The following ACOX3 variants were observed in gnomAD, a reference collection of about 807,000 sequenced individuals.
ACOX3 encodes peroxisomal acyl-coenzyme A oxidase 3.
In ACOX3, 73 loss-of-function variants were observed where a neutral mutation model predicts 81.5. The observed-to-expected ratio is 0.90, with a 90% CI of 0.74 to 1.09. The LOEUF (loss-of-function observed/expected upper bound fraction) is 1.09, where lower values mean the gene tolerates loss of function less well. ACOX3 is among the 50% of genes least tolerant of loss of function. The pLI, the probability that ACOX3 is intolerant of heterozygous loss-of-function variation, is 0.00. For missense variants in ACOX3, 947 were observed against 928.0 expected (o/e 1.02, Z -0.27); for synonymous variants, 387 against 375.1 (o/e 1.03, Z -0.37).
intron 1 of ACOX3, among the ~76,000 whole-genome samples, chr4:8,424,831 T>G (rs1259074360): frequency 1.3e-5 from 2 of 152,190 alleles, no homozygotes; most frequent in Non-Finnish European, 2.9e-5. Flanking sequence ...CGACCTCAAC[T>G]TGTATACTGA....
chr4:8,420,465 C>T (rs1180543942), intron 1 of ACOX3, among the ~76,000 whole-genome samples: 1 of 152,150 alleles, frequency 6.6e-6, no homozygotes, highest in Non-Finnish European at 1.5e-5. Context: ...GCTTGTAACT[C>T]AGCTCACACC....
intron 7 of ACOX3, among the ~76,000 whole-genome samples, chr4:8,404,185 C>T (rs1006859971): frequency 6.6e-6 from 1 of 152,322 alleles, no homozygotes; most frequent in African/African-American, 2.4e-5. Context: ...GCCCTGAGGG[C>T]GAAGGGCCTG....
intron 5 of ACOX3, among the ~76,000 whole-genome samples, chr4:8,411,943 C>T (rs923268007): frequency 6.6e-6 from 1 of 152,242 alleles, no homozygotes; most frequent in African/African-American, 2.4e-5. Context: ...CACCCCAACT[C>T]TACGGATCTG....
intron 15 of ACOX3, 49 bp downstream of exon 15, chr4:8,374,929 G>A (rs1192899892): frequency 1.4e-6 from 2 of 1,454,756 alleles, no homozygotes; most frequent in Non-Finnish European, 1.8e-6. Flanking sequence ...ATACAACACG[G>A]GGGCCCTGAC....
At chr4:8,434,363 T>G (rs1579010148) in intron 1 of ACOX3, among the ~76,000 whole-genome samples, 2 of 152,372 alleles carry the variant, frequency 1.3e-5, no homozygotes, top group East Asian at 1.9e-4. Context: ...GAGTTTTGTC[T>G]GCAGCTCGTC....
rs911186150 is a variant in ACOX3, at chr4:8,440,668, C to G, written c.-35G>C. On this transcript the variant is annotated 5_prime_UTR_variant, in exon 1 of 18. Coordinates refer to ENST00000356406, the MANE Select transcript of ACOX3 (RefSeq NM_003501.3). Reference sequence around the variant, plus strand: ...CTCACCCACACACTCCACAGTTCAACCCCTGCCAGGGAAACCAAAAGCAGG... The same window carrying G: ...CTCACCCACACACTCCACAGTTCAAGCCCTGCCAGGGAAACCAAAAGCAGG... The G allele has an allele frequency of 6.3e-6, 6 of 957,400 alleles. No individual in the cohort carries two copies. The Admixed American group carries it at 1.4e-4, about 22-fold the overall frequency. The allele number at this position is 957,400 out of a possible 1,614,324, so 59.3% of individuals were successfully genotyped here. A position where few individuals can be genotyped will look rare whatever the true frequency, so the allele number is the denominator to read the frequency against.
At chr4:8,427,481 G>A (rs746611249) in intron 1 of ACOX3, among the ~76,000 whole-genome samples, 5 of 152,218 alleles carry the variant, frequency 3.3e-5, no homozygotes, top group East Asian at 1.9e-4. Flanking sequence ...TGTCCACTGC[G>A]CTTCTGATCC....
At chr4:8,397,865 TA>T (rs2108894248) in intron 8 of ACOX3, among the ~76,000 whole-genome samples, 1 of 152,352 alleles carries the variant, frequency 6.6e-6, no homozygotes, top group East Asian at 1.9e-4. Flanking sequence ...TCGTTGTGTT[TA>T]AAAATGTATT....
intron 1 of ACOX3, among the ~76,000 whole-genome samples, chr4:8,427,378 T>C (rs1365820144): frequency 2.6e-5 from 4 of 152,194 alleles, no homozygotes; most frequent in African/African-American, 7.2e-5. Context: ...TTTGTTCCGG[T>C]TTGAGCTGAG....
At chr4:8,372,564 G>T (rs1462520470) in intron 16 of ACOX3, among the ~76,000 whole-genome samples, 1 of 152,202 alleles carries the variant, frequency 6.6e-6, no homozygotes, top group East Asian at 1.9e-4. Flanking sequence ...CCCTCCCTGT[G>T]GCCAGTTCGA....
At position 8,405,907 on chromosome 4, in the gene ACOX3, C is replaced by T. The variant is rs528709726; in HGVS notation, c.776+48G>A. ...ATCTCAGACATGAGCGACAACGCAG[C>T]CTGGGCCTTGGCAGGAAGCTCAGGG... On this transcript the variant is annotated intron_variant, in intron 7 of 17. Coordinates refer to ENST00000356406, the MANE Select transcript of ACOX3 (RefSeq NM_003501.3). The surrounding 1 kb of genome is among the most constrained non-coding windows in gnomAD (Gnocchi z 7.1). 368 of 1,565,130 alleles carry T rather than the reference C, an allele frequency of 2.4e-4. 7 individuals carry two copies. In the South Asian group the frequency reaches 3.6e-3, roughly 15 times the overall value.
At chr4:8,428,093 C>A (rs549665873) in intron 1 of ACOX3, among the ~76,000 whole-genome samples, 2 of 152,364 alleles carry the variant, frequency 1.3e-5, no homozygotes, top group South Asian at 4.1e-4. Flanking sequence ...CGATGTGAAT[C>A]ACTTCCCTTT....
At chr4:8,408,916 G>A (rs1411159052) in intron 6 of ACOX3, among the ~76,000 whole-genome samples, 2 of 98,242 alleles carry the variant, frequency 2.0e-5, no homozygotes, top group Non-Finnish European at 4.3e-5. Flanking sequence ...GGGGGGGGGT[G>A]GGGGCGGTCT....
At chr4:8,359,323 G>C in the ACOX3 span, among the ~76,000 whole-genome samples, 2 of 152,096 alleles carry the variant, frequency 1.3e-5, no homozygotes, top group Non-Finnish European at 2.9e-5. This position sits in a 1 kb window ranked among gnomAD's most constrained non-coding sequence, Gnocchi z 6.0. Context: ...CAACGTAGGG[G>C]AGTTAGAGTC....
intron 14 of ACOX3, among the ~76,000 whole-genome samples, chr4:8,377,220 C>T (rs184355566): frequency 1.3e-5 from 2 of 152,318 alleles, no homozygotes; most frequent in South Asian, 2.1e-4. Context: ...ACAGAGAGGC[C>T]GTCCTTGAAC....
rs1718369202 is a variant in ACOX3, at chr4:8,386,858, G to T, written c.1537+2315C>A. On this transcript the variant is annotated intron_variant, in intron 13 of 17. Coordinates refer to ENST00000356406, the MANE Select transcript of ACOX3 (RefSeq NM_003501.3). The surrounding 1 kb of genome is among the most constrained non-coding windows in gnomAD (Gnocchi z 5.2). ...TGTTCTTTGCCGTGTGAACAAGGAA[G>T]TAGCCTGTAGGGCTGGAGACGGACA... 6.6e-6 allele frequency among the ~76,000 whole-genome samples: 1 copy of T among 152,250 alleles called. No homozygotes were observed. The highest frequency in any genetic ancestry group is 1.5e-5 in the Non-Finnish European group (1 of 68,042).
intron 1 of ACOX3, among the ~76,000 whole-genome samples, chr4:8,421,313 C>CT (rs1379278628): frequency 6.6e-6 from 1 of 152,256 alleles, no homozygotes; most frequent in Non-Finnish European, 1.5e-5. Flanking sequence ...AAAAGGCTTT[C>CT]TAACAATCCC....
chr4:8,424,688 G>A (rs916049223), intron 1 of ACOX3, among the ~76,000 whole-genome samples: 20 of 152,326 alleles, frequency 1.3e-4, no homozygotes, highest in African/African-American at 4.8e-4. Flanking sequence ...CTGCGACTGC[G>A]CACTCGTGCA....
chr4:8,361,960 T>C (rs1045573248), downstream of ACOX3, among the ~76,000 whole-genome samples: 19 of 152,256 alleles, frequency 1.2e-4, no homozygotes, highest in African/African-American at 2.7e-4. Flanking sequence ...ACTTACTGTA[T>C]GTTATTAATA....
Sources: allele counts gnomAD v4.1 joint callset (sites outside exome capture counted in the v4.1 genomes callset), GRCh38; gene constraint gnomAD v4.1.1; non-coding constraint Gnocchi (gnomAD v3.1); transcripts MANE v1.5; gene names NCBI Gene and HGNC (gene_info 2026-07-23, HGNC 2026-07-21).